AFG2B: variants seen among roughly 807,000 people sequenced by gnomAD.
AFG2B encodes the protein ATPase family gene 2 protein homolog B.
At chr15:45,405,472 G>A in the AFG2B span, 1 of 1,613,696 alleles carries the variant, frequency 6.2e-7, no homozygotes, top group Non-Finnish European at 8.5e-7. Context: ...TCTGTAGGGA[G>A]GCTGCCATGC....
chr15:45,413,677 C>T, the AFG2B span, among the ~76,000 whole-genome samples: 1 of 152,106 alleles, frequency 6.6e-6, no homozygotes, highest in South Asian at 2.1e-4. Context: ...CCTTCCAGTC[C>T]ATTCTCCATA....
the AFG2B span, among the ~76,000 whole-genome samples, chr15:45,420,036 A>G: frequency 7.0e-6 from 1 of 143,522 alleles, no homozygotes; most frequent in Admixed American, 7.6e-5. Context: ...ACAAAAGGGA[A>G]CCACTCTCCT....
At chr15:45,407,749 A>AT in the AFG2B span, among the ~76,000 whole-genome samples, 7 of 152,218 alleles carry the variant, frequency 4.6e-5, no homozygotes, top group African/African-American at 1.7e-4. Flanking sequence ...GAAAACGGGA[A>AT]TTTGTGGACA....
chr15:45,408,812 G>A, the AFG2B span, among the ~76,000 whole-genome samples: 1 of 152,130 alleles, frequency 6.6e-6, no homozygotes, highest in Admixed American at 6.5e-5. Flanking sequence ...TTGAGCCCAG[G>A]TGTTCGAGGC....
At chr15:45,414,949 TC>T in the AFG2B span, among the ~76,000 whole-genome samples, 1 of 152,336 alleles carries the variant, frequency 6.6e-6, no homozygotes, top group Middle Eastern at 3.4e-3. Flanking sequence ...TCCTTCATAA[TC>T]CTCCTACCTA....
At chr15:45,404,151 A>G in the AFG2B span, among the ~76,000 whole-genome samples, 35 of 152,312 alleles carry the variant, frequency 2.3e-4, 1 homozygote, top group Non-Finnish European at 4.6e-4. Context: ...ACAGTTTGAA[A>G]TTTAGTGACT....
chr15:45,410,188 G>A, the AFG2B span, among the ~76,000 whole-genome samples: 1 of 152,188 alleles, frequency 6.6e-6, no homozygotes, highest in Non-Finnish European at 1.5e-5. Context: ...TTTCGGGGAA[G>A]AATTACTGGC....
At chr15:45,418,629 G>T in the AFG2B span, 6 of 1,613,930 alleles carry the variant, frequency 3.7e-6, no homozygotes, top group East Asian at 2.2e-5. Flanking sequence ...AGAAAACCTC[G>T]CAGCAGAAAC....
the AFG2B span, chr15:45,415,696 G>A: frequency 5.6e-6 from 9 of 1,614,010 alleles, no homozygotes; most frequent in South Asian, 7.7e-5. Context: ...GTTCAAGAAC[G>A]AGTTCTTTCT....
At chr15:45,414,805 A>G in the AFG2B span, 1 of 1,583,084 alleles carries the variant, frequency 6.3e-7, no homozygotes, top group Non-Finnish European at 8.7e-7. Flanking sequence ...CCATATGTTT[A>G]AATTTACTTT....
chr15:45,403,622 T>C, the AFG2B span: 231 of 1,472,572 alleles, frequency 1.6e-4, no homozygotes, highest in Non-Finnish European at 2.1e-4. Flanking sequence ...TGAGCATCGG[T>C]GAGGTTGGAG....
chr15:45,420,000 A>ACC, the AFG2B span, among the ~76,000 whole-genome samples: 67 of 54,358 alleles, frequency 1.2e-3, no homozygotes, highest in African/African-American at 8.1e-3. Flanking sequence ...CCCCCCCCAA[A>ACC]AAAAAAAAAA....
the AFG2B span, among the ~76,000 whole-genome samples, chr15:45,416,213 G>T: frequency 1.3e-5 from 2 of 152,170 alleles, no homozygotes; most frequent in Non-Finnish European, 2.9e-5. Context: ...GTTGCTTGAG[G>T]CCAGGAGTTT....
At chr15:45,415,721 A>G in the AFG2B span, 1 of 1,614,120 alleles carries the variant, frequency 6.2e-7, no homozygotes, top group Non-Finnish European at 8.5e-7. Context: ...TCCTGAATGA[A>G]TTAGATGGTG....
chr15:45,402,715 C>G, the AFG2B span: 2 of 1,565,352 alleles, frequency 1.3e-6, no homozygotes, highest in Non-Finnish European at 1.7e-6. Context: ...GAGTCTCAGC[C>G]TGAATCGCCT....
chr15:45,403,862 C>T, the AFG2B span, among the ~76,000 whole-genome samples: 1 of 152,106 alleles, frequency 6.6e-6, no homozygotes, highest in Non-Finnish European at 1.5e-5. Flanking sequence ...GAATTTTGGT[C>T]ACCTACAAGC....
the AFG2B span, chr15:45,407,001 T>C: frequency 1.6e-6 from 2 of 1,287,000 alleles, no homozygotes; most frequent in African/African-American, 1.5e-5. Flanking sequence ...AAGGGAGATT[T>C]ACATTCAGGA....
the AFG2B span, among the ~76,000 whole-genome samples, chr15:45,411,967 G>T: frequency 3.3e-5 from 5 of 151,666 alleles, no homozygotes; most frequent in African/African-American, 1.2e-4. Flanking sequence ...GCGTGGTGGC[G>T]CATGCCTGTA....
the AFG2B span, chr15:45,403,101 C>T: frequency 1.3e-6 from 2 of 1,519,918 alleles, no homozygotes; most frequent in South Asian, 2.4e-5. Flanking sequence ...GCTACCCGCG[C>T]GCCCTGACCG....
Sources: gnomAD v4.1 joint callset for allele counts (sites outside exome capture counted in the v4.1 genomes callset) on GRCh38, gnomAD v4.1.1 for gene constraint, MANE v1.5 for transcripts, NCBI Gene and HGNC (gene_info 2026-07-23, HGNC 2026-07-21) for gene names.